Variants in ROS1 observed in about 807,000 individuals in gnomAD.
The protein encoded by ROS1 is ROS proto-oncogene 1, receptor tyrosine kinase, also known as proto-oncogene tyrosine-protein kinase ROS.
A neutral mutation model predicts 273.5 loss-of-function variants in ROS1; 263 were observed. That is an observed-to-expected ratio of 0.96 (90% CI 0.87 to 1.06). ROS1 has a LOEUF of 1.06. Among genes scored for constraint, ROS1 ranks in the 50% least tolerant of loss-of-function variants. ROS1 has a pLI of 0.00. For synonymous variants in ROS1, 1,008 were observed against 954.1 expected, an observed-to-expected ratio of 1.06 and a Z score of -1.04; for missense variants, 2,833 against 2,751.1, an observed-to-expected ratio of 1.03 and a Z score of -0.67.
chr6:117,411,804 G>A (rs1774933521), intron 4 of ROS1, among the ~76,000 whole-genome samples: 1 of 152,188 alleles, frequency 6.6e-6, no homozygotes, highest in Admixed American at 6.5e-5. Context: ...GAATATGACA[G>A]TAAGCAAGAA....
chr6:117,309,448 A>C (rs548747331), intron 41 of ROS1, among the ~76,000 whole-genome samples: 1 of 152,272 alleles, frequency 6.6e-6, no homozygotes, highest in South Asian at 2.1e-4. Context: ...TTTCCTCCCA[A>C]GTTTGCAGGG....
At chr6:117,340,780 G>A (rs960203316) in intron 31 of ROS1, among the ~76,000 whole-genome samples, 1 of 151,796 alleles carries the variant, frequency 6.6e-6, no homozygotes, top group Non-Finnish European at 1.5e-5. Flanking sequence ...ACAAGGTTTT[G>A]GTTTTTTCTT....
rs537733617 is a variant in ROS1, at chr6:117,329,161, C to T, written c.5348+168G>A. ...CTGTTTATAATTAGCATGCCAAGACCAACGTCTAGGAATTGAGCAAAGAAC... is the reference window on the plus strand; with the variant it reads ...CTGTTTATAATTAGCATGCCAAGACTAACGTCTAGGAATTGAGCAAAGAAC... On this transcript the variant is annotated intron_variant, in intron 33 of 43. Transcript: ENST00000368507. Among the ~76,000 whole-genome samples, 20 of 152,296 alleles carry T rather than the reference C, an allele frequency of 1.3e-4. No individual in the cohort carries two copies. In the South Asian group the frequency reaches 3.9e-3, roughly 30 times the overall value.
intron 31 of ROS1, among the ~76,000 whole-genome samples, chr6:117,339,114 A>G (rs964481542): frequency 2.6e-5 from 4 of 152,162 alleles, no homozygotes; most frequent in Non-Finnish European, 5.9e-5. Flanking sequence ...AGCTTGTCCA[A>G]CTTTCAGCTT....
At position 117,400,448 on chromosome 6, in the gene ROS1, AT is replaced by A. The variant is rs371769604; in HGVS notation, c.604+2690del. Among the ~76,000 whole-genome samples the A allele has an allele frequency of 3.9e-4, 59 of 152,364 alleles. 1 individual carries two copies. Among genetic ancestry groups the A allele is most frequent in the African/African-American group, 1.3e-3 (55 of 41,592 alleles). On this transcript the variant is annotated intron_variant, in intron 7 of 43. Coordinates refer to ENST00000368507, the MANE Select transcript of ROS1 (RefSeq NM_001378902.1). ...TTTGAACAAGAGAACAATAACATTT[AT>A]TTAGAGCTAGAATTGCTCTAAGGAT...
chr6:117,393,193 G>T (rs2128710403), intron 12 of ROS1, 31 bp downstream of exon 12: 1 of 1,229,102 alleles, frequency 8.1e-7, no homozygotes, highest in Non-Finnish European at 1.2e-6. Context: ...CCCAATGGAA[G>T]AGAATTCATC....
In ROS1 at chr6:117,383,416, T is replaced by A; in HGVS notation, c.2382A>T (p.Gly794=). 6.2e-7 allele frequency: 1 copy of A among 1,614,036 alleles called. No individual in the cohort carries two copies. Among genetic ancestry groups the A allele is most frequent in the Non-Finnish European group, 8.5e-7 (1 of 1,179,910 alleles). The change falls in exon 17 of 44, where the codon GGA becomes GGT. Residue 794 remains glycine (G), a synonymous_variant. Transcript: ENST00000368507. The part of the protein sequence containing the change: ...VNDMVVDSVG[G]YLYWTTLYSV... The stretch of plus-strand genomic sequence containing the variant: ...AATAGAGTGTGGTCCAGTAGAGATA[T>A]CCACCAACTGAATCCACCACCATGT...
chr6:117,304,028 T>C (rs1341925035), intron 42 of ROS1, among the ~76,000 whole-genome samples: 1 of 152,184 alleles, frequency 6.6e-6, no homozygotes, highest in African/African-American at 2.4e-5. Flanking sequence ...ATAAATGGTA[T>C]CAAGGAAAAC....
At chr6:117,420,282 C>T (rs759977473) in intron 1 of ROS1, among the ~76,000 whole-genome samples, 15 of 151,908 alleles carry the variant, frequency 9.9e-5, no homozygotes, top group South Asian at 2.1e-4. Flanking sequence ...GCTCCAACTA[C>T]GCCAATTATC....
chr6:117,338,492 C>T (rs1418465563), intron 31 of ROS1, among the ~76,000 whole-genome samples: 3 of 149,382 alleles, frequency 2.0e-5, no homozygotes, highest in Non-Finnish European at 4.4e-5. Flanking sequence ...GCATTGAATC[C>T]ATAATATTTA....
At chr6:117,371,712 A>G (rs997271096) in intron 18 of ROS1, among the ~76,000 whole-genome samples, 3 of 152,164 alleles carry the variant, frequency 2.0e-5, no homozygotes, top group Admixed American at 1.3e-4. Flanking sequence ...AGTCCTACTC[A>G]CTGGCTGCAT....
At chr6:117,316,282 A>ACTATT (rs771796516) in intron 39 of ROS1, among the ~76,000 whole-genome samples, 1,865 of 128,214 alleles carry the variant, frequency 0.015, 9 homozygotes, top group South Asian at 0.036. Context: ...TTGGCGGTAA[A>ACTATT]TACCACAAGA....
At chr6:117,327,488 A>G (rs1291998494) in intron 33 of ROS1, among the ~76,000 whole-genome samples, 1 of 152,218 alleles carries the variant, frequency 6.6e-6, no homozygotes, top group Non-Finnish European at 1.5e-5. Flanking sequence ...GAAAAGAAAG[A>G]AGAATTCTGA....
At chr6:117,385,660 C>T in intron 16 of ROS1, 23 bp downstream of exon 16, 1 of 1,607,958 alleles carries the variant, frequency 6.2e-7, no homozygotes. Context: ...CTAGAGCATC[C>T]AGAATGCCAT....
At chr6:117,387,060 TTATA>T (rs1772642764) in intron 14 of ROS1, 61 bp from the exon 15 acceptor site, 1 of 822,292 alleles carries the variant, frequency 1.2e-6, no homozygotes, top group Admixed American at 2.0e-5. Context: ...TAAAGGTATC[TTATA>T]TACTTATATC....
intron 2 of ROS1, 110 bp downstream of exon 2, chr6:117,418,352 G>T (rs1775488344): frequency 1.3e-6 from 1 of 751,270 alleles, no homozygotes; most frequent in Non-Finnish European, 2.2e-6. Flanking sequence ...TTCCAGCAAG[G>T]ATAAATGAGA....
chr6:117,311,162 A>G (rs746002195), intron 39 of ROS1, 45 bp from the exon 40 acceptor site: 1 of 1,105,196 alleles, frequency 9.0e-7, no homozygotes, highest in South Asian at 1.3e-5. Context: ...TCTAGTTTGC[A>G]TGAAATATAT....
intron 22 of ROS1, 24 bp from the exon 23 acceptor site, chr6:117,360,429 G>C: frequency 6.4e-7 from 1 of 1,567,166 alleles, no homozygotes; most frequent in Non-Finnish European, 8.8e-7. Context: ...AACAAAAATT[G>C]CATTCAGTAG....
chr6:117,343,330 C>A (rs1300614177), intron 28 of ROS1, among the ~76,000 whole-genome samples: 1 of 152,050 alleles, frequency 6.6e-6, no homozygotes, highest in Non-Finnish European at 1.5e-5. Flanking sequence ...TATGGGAAAA[C>A]ATATAGTGTT....
Sources: gnomAD v4.1 joint callset for allele counts (sites outside exome capture counted in the v4.1 genomes callset) on GRCh38, gnomAD v4.1.1 for gene constraint, MANE v1.5 for transcripts, NCBI Gene and HGNC (gene_info 2026-07-23, HGNC 2026-07-21) for gene names.